Variants in KRT81 observed in about 807,000 individuals in gnomAD.
KRT81 encodes the protein keratin 81.
A neutral mutation model predicts 35.8 loss-of-function variants in KRT81; 35 were observed. The ratio of observed to expected loss-of-function variants is 0.98; its 90% CI spans 0.75 to 1.30. The LOEUF is 1.30. Ranked by LOEUF, KRT81 falls within the 50% of genes most tolerant of loss-of-function variation. The probability of loss-of-function intolerance (pLI) is 0.00; values close to 1 mark genes in which losing one functional copy is unlikely to be tolerated. For synonymous variants in KRT81, 249 were observed against 251.2 expected (o/e 0.99, Z 0.08); for missense variants, 531 against 577.4 (o/e 0.92, Z 0.82).
chr12:52,288,667 G>T (rs1033649716), intron 3 of KRT81, among the ~76,000 whole-genome samples: 23 of 152,038 alleles, frequency 1.5e-4, no homozygotes, highest in Non-Finnish European at 2.9e-4. Context: ...TGCCTCACCA[G>T]CCTTTCACCC....
At position 52,291,371 on chromosome 12, in the gene KRT81, T is replaced by C. The variant is rs772339270; in HGVS notation, c.95A>G (p.Tyr32Cys). ...GCCGCGGTAGCAGGAGATGCCACGG[T>C]AGGGGGCGGCGGTGATGCAGCAGCG... The part of the protein sequence containing the change: ...PGRCCITAAP[Y>C]RGISCYRGLT... The change falls in exon 1 of 9, where the codon TAC (tyrosine) becomes TGC (cysteine). Residue 32 changes from tyrosine to cysteine, a missense_variant. Coordinates refer to ENST00000327741, the MANE Select transcript of KRT81 (RefSeq NM_002281.4). 27 of 1,602,108 alleles carry C rather than the reference T, an allele frequency of 1.7e-5. No homozygotes were observed. In the South Asian group the frequency reaches 2.9e-4, roughly 17 times the overall value.
Position 52,287,659 on chromosome 12 carries a change from C to G in KRT81, c.963G>C (p.Glu321Asp), listed in dbSNP as rs1937994484. ...HGETLRRTKE[E>D]INELNRMIQR... ...GGATCATGCGGTTCAGCTCATTGAT[C>G]TCCTCCTTGGTGCGGCGCAGGGTCT... The change falls in exon 6 of 9, where the codon GAG (glutamate) becomes GAC (aspartate). Residue 321 changes from glutamate to aspartate, a missense_variant. Physicochemically the swap from Glu to Asp is conservative, Grantham distance 45 (BLOSUM62 2). This residue lies in a region of KRT81 where 194 missense variants were observed against 198.2 expected (regional missense o/e 0.98). Transcript: ENST00000327741. 6.2e-7 allele frequency: 1 copy of G among 1,613,930 alleles called. No homozygotes were observed. Among genetic ancestry groups the G allele is most frequent in the Non-Finnish European group, 8.5e-7 (1 of 1,179,848 alleles).
Position 52,286,266 on chromosome 12 carries a change from G to C in KRT81, c.1507C>G (p.Arg503Gly), listed in dbSNP as rs376061576. 1.9e-6 allele frequency: 3 copies of C among 1,553,950 alleles called. No homozygotes were observed. Among genetic ancestry groups the C allele is most frequent in the African/African-American group, 2.7e-5 (2 of 73,458 alleles). Residue 503 changes from arginine to glycine, a missense_variant, in exon 9 of 9, where the codon CGG becomes GGG. Physicochemically the swap from Arg to Gly is moderately radical, Grantham distance 125 (BLOSUM62 -2). Transcript: ENST00000327741. ...LGVGSCGSSC[R>G]KC ...TTGAGTTGGGGTGCCTAACATTTCCGGCAGCTGCTGCCGCAAGACCCCACA... is the reference window on the plus strand; with the variant it reads ...TTGAGTTGGGGTGCCTAACATTTCCCGCAGCTGCTGCCGCAAGACCCCACA...
intron 6 of KRT81, 124 bp downstream of exon 6, chr12:52,287,472 C>T: frequency 6.3e-7 from 1 of 1,592,360 alleles, no homozygotes; most frequent in East Asian, 2.3e-5. Context: ...AGACCACGAC[C>T]AGGGACTCTA....
rs1168909855 is a variant in KRT81, at chr12:52,290,541, C to A, written c.370-255G>T. On this transcript the variant is annotated intron_variant, in intron 1 of 8. Transcript: ENST00000327741. Reference sequence around the variant, plus strand: ...TCCCTGGGGAGTTGAGTGACCCCCCCCCCCCAACCCAAGCAGATGAACAGA... The same window carrying A: ...TCCCTGGGGAGTTGAGTGACCCCCCACCCCCAACCCAAGCAGATGAACAGA... 1.2e-4 allele frequency among the ~76,000 whole-genome samples: 2 copies of A among 17,094 alleles called. 1 individual carries two copies. The highest frequency in any genetic ancestry group is 8.3e-4 in the Admixed American group (2 of 2,414). The allele number at this position is 17,094 out of a possible 152,430, so 11.2% of individuals were successfully genotyped here.
At chr12:52,286,750 G>A in intron 8 of KRT81, 41 bp downstream of exon 8, 1 of 1,597,316 alleles carries the variant, frequency 6.3e-7, no homozygotes. Flanking sequence ...TCCATCACAG[G>A]TAGTTAGTAA....
chr12:52,291,522 G>A lies in KRT81; in HGVS notation c.-57C>T. The A allele has an allele frequency of 6.2e-7, 1 of 1,603,572 alleles. No homozygotes were observed. Among genetic ancestry groups the A allele is most frequent in the Non-Finnish European group, 8.5e-7 (1 of 1,174,318 alleles). On this transcript the variant is annotated 5_prime_UTR_variant, in exon 1 of 9. Transcript: ENST00000327741. Reference sequence around the variant, plus strand: ...AGGATAGGGGACCTGGAGTCCTGATGGAAACTCCAATGTGCTCCTCAGGGC... The same window carrying A: ...AGGATAGGGGACCTGGAGTCCTGATAGAAACTCCAATGTGCTCCTCAGGGC...
Position 52,291,486 on chromosome 12 carries a change from T to G in KRT81, c.-21A>C, listed in dbSNP as rs765911343. ...GTCATGATCCTCCTGGACGTTTGGG[T>G]TGCAGAGGACAGGATAGGGGACCTG... is the stretch of plus-strand genomic sequence containing the variant. On this transcript the variant is annotated 5_prime_UTR_variant, in exon 1 of 9. Coordinates refer to ENST00000327741, the MANE Select transcript of KRT81 (RefSeq NM_002281.4). The G allele has an allele frequency of 6.2e-7, 1 of 1,612,184 alleles. No individual in the cohort carries two copies. Among genetic ancestry groups the G allele is most frequent in the Non-Finnish European group, 8.5e-7 (1 of 1,179,218 alleles).
At position 52,291,513 on chromosome 12, in the gene KRT81, A is replaced by G. The variant is rs763968162; in HGVS notation, c.-48T>C. 4 of 1,606,582 alleles carry G rather than the reference A, an allele frequency of 2.5e-6. No homozygotes were observed. The highest frequency in any genetic ancestry group is 3.4e-6 in the Non-Finnish European group (4 of 1,176,078). The stretch of plus-strand genomic sequence containing the variant: ...GCAGAGGACAGGATAGGGGACCTGG[A>G]GTCCTGATGGAAACTCCAATGTGCT... On this transcript the variant is annotated 5_prime_UTR_variant, in exon 1 of 9. Transcript: ENST00000327741.
In KRT81 at chr12:52,291,292, G is replaced by A; in HGVS notation, c.174C>T (p.Ser58=). The change falls in exon 1 of 9, where the codon TCC becomes TCT. Residue 58 remains serine, a synonymous_variant. Coordinates refer to ENST00000327741, the MANE Select transcript of KRT81 (RefSeq NM_002281.4). The part of the protein sequence containing the change: ...HSVCGGFRAG[S]CGRSFGYRSG... ...AGCGGTAGCCGAAGCTGCGTCCGCA[G>A]GAGCCGGCCCGAAAGCCTCCGCACA... is the stretch of plus-strand genomic sequence containing the variant. 1 of 1,539,700 alleles carries A rather than the reference G, an allele frequency of 6.5e-7. No individual in the cohort carries two copies. Among genetic ancestry groups the A allele is most frequent in the Non-Finnish European group, 8.7e-7 (1 of 1,143,398 alleles).
Position 52,287,730 on chromosome 12 carries a change from A to G in KRT81, c.901-9T>C, listed in dbSNP as rs765846067. ...GCCTTCATCTCCTCACACTGGGGGA[A>G]GTAGAGATGCTCATGAGGTTCAGGG... is the stretch of plus-strand genomic sequence containing the variant. On this transcript the variant is annotated splice_polypyrimidine_tract_variant and intron_variant, in intron 5 of 8. Coordinates refer to ENST00000327741, the MANE Select transcript of KRT81 (RefSeq NM_002281.4). 9.9e-6 allele frequency: 16 copies of G among 1,614,048 alleles called. No individual in the cohort carries two copies. The East Asian group carries it at 1.1e-4, about 11-fold the overall frequency.
intron 7 of KRT81, 120 bp downstream of exon 7, chr12:52,286,982 G>C (rs59448276): frequency 1.3e-6 from 2 of 1,574,478 alleles, no homozygotes; most frequent in East Asian, 2.3e-5. Flanking sequence ...TCCCCACACC[G>C]GAAGTGAATA....
In KRT81 at chr12:52,291,126, T is replaced by C. The variant is rs1161285408; in HGVS notation, c.340A>G (p.Asn114Asp). Reference protein sequence around the residue: ...QEEKEQIKSLNSRFAAFIDKV... With the variant: ...QEEKEQIKSLDSRFAAFIDKV... ...TCGATGAAGGCCGCGAACCTGCTGT[T>C]GAGGGACTTGATCTGCTCCTTCTCC... The change falls in exon 1 of 9, where the codon AAC becomes GAC. Residue 114 changes from asparagine to aspartate, a missense_variant. Physicochemically the swap from Asn to Asp is conservative, Grantham distance 23 (BLOSUM62 1). Around this residue, in one of 5 missense-constraint regions of KRT81, gnomAD observed 194 missense variants for 198.2 expected, o/e 0.98. Transcript: ENST00000327741. 1.1e-5 allele frequency: 10 copies of C among 909,890 alleles called. No homozygotes were observed. Among genetic ancestry groups the C allele is most frequent in the Non-Finnish European group, 1.6e-5 (10 of 642,560 alleles). 56.4% of individuals were successfully genotyped at this position (909,890 alleles called of 1,614,324 possible).
In KRT81 at chr12:52,287,414, G is replaced by A. The variant is rs1429453456; in HGVS notation, c.1027-92C>T. 6.3e-6 allele frequency: 10 copies of A among 1,576,766 alleles called. No homozygotes were observed. The African/African-American group carries it at 6.8e-5, about 11-fold the overall frequency. ...GACCACACTCCCCACCAAGCTGGGA[G>A]CACCCCAGAACAGAGCCTCTTGCCT... On this transcript the variant is annotated intron_variant, in intron 6 of 8. Transcript: ENST00000327741.
chr12:52,286,176 C>A lies in KRT81; in HGVS notation c.*79G>T, dbSNP rs1021447718. 3.4e-6 allele frequency: 4 copies of A among 1,184,414 alleles called. No individual in the cohort carries two copies. The highest frequency in any genetic ancestry group is 4.9e-6 in the Non-Finnish European group (4 of 814,644). 73.4% of individuals were successfully genotyped at this position (1,184,414 alleles called of 1,614,324 possible). ...TGCAGGAGAAGTAGCTGAGCACTTG[C>A]TCCAGGCGCCTGGACTGGATGGGCC... On this transcript the variant is annotated 3_prime_UTR_variant, in exon 9 of 9. Coordinates refer to ENST00000327741, the MANE Select transcript of KRT81 (RefSeq NM_002281.4).
Position 52,286,035 on chromosome 12 carries a change from T to C in KRT81, c.*220A>G, listed in dbSNP as rs1702109306. On this transcript the variant is annotated 3_prime_UTR_variant, in exon 9 of 9. Transcript: ENST00000327741. Reference sequence around the variant, plus strand: ...TTCCTGCTCCTGAGGCCCCTTCCTATGGGTGCCAGCGGACTTCTTTCTAGG... The same window carrying C: ...TTCCTGCTCCTGAGGCCCCTTCCTACGGGTGCCAGCGGACTTCTTTCTAGG... The C allele has an allele frequency of 1.7e-6, 1 of 584,008 alleles. No individual in the cohort carries two copies. The highest frequency in any genetic ancestry group is 3.0e-5 in the Admixed American group (1 of 33,878). 36.2% of individuals were successfully genotyped at this position (584,008 alleles called of 1,614,324 possible).
At chr12:52,287,831 T>A in intron 5 of KRT81, 110 bp from the exon 6 acceptor site, 1 of 1,605,904 alleles carries the variant, frequency 6.2e-7, no homozygotes, top group Non-Finnish European at 8.5e-7. Context: ...CAGCCACACA[T>A]GGCAGTCCTG....
Position 52,287,098 on chromosome 12 carries a change from C to G in KRT81, c.1247+4G>C. The G allele has an allele frequency of 6.2e-7, 1 of 1,612,846 alleles. No individual in the cohort carries two copies. Among genetic ancestry groups the G allele is most frequent in the Non-Finnish European group, 8.5e-7 (1 of 1,179,892 alleles). On this transcript the variant is annotated splice_donor_region_variant and intron_variant, in intron 7 of 8. Transcript: ENST00000327741. ...GGTTCTGGGCCACCCTTGGTTGGAC[C>G]CACCTCTGCTCCTCGCCCTCCAGCA...
In KRT81 at chr12:52,286,277, C is replaced by G; in HGVS notation, c.1496G>C (p.Gly499Ala). The G allele has an allele frequency of 6.4e-7, 1 of 1,553,928 alleles. No homozygotes were observed. The highest frequency in any genetic ancestry group is 8.7e-7 in the Non-Finnish European group (1 of 1,148,312). The change falls in exon 9 of 9, where the codon GGC becomes GCC. Residue 499 changes from glycine (G) to alanine (A), a missense_variant. Gly to Ala is a moderately conservative substitution (Grantham distance 60). Around this residue, in one of 5 missense-constraint regions of KRT81, gnomAD observed 150 missense variants for 145.4 expected, o/e 1.03. Coordinates refer to ENST00000327741, the MANE Select transcript of KRT81 (RefSeq NM_002281.4). ...TGCCTAACATTTCCGGCAGCTGCTG[C>G]CGCAAGACCCCACACCCAGGGAGCT... ...GISSLGVGSC[G>A]SSCRKC
Sources: allele counts gnomAD v4.1 joint callset (sites outside exome capture counted in the v4.1 genomes callset), GRCh38; gene constraint gnomAD v4.1.1; regional missense constraint gnomAD v4.1.1; transcripts MANE v1.5; gene names NCBI Gene and HGNC (gene_info 2026-07-23, HGNC 2026-07-21).